The following EPHB1 variants were observed in gnomAD, a reference collection of about 807,000 sequenced individuals.
The protein encoded by EPHB1 is ephrin type-B receptor 1.
EPHB1 carries 30 observed loss-of-function variants against 94.4 expected under a neutral mutation model. The ratio of observed to expected loss-of-function variants is 0.32; its 90% CI spans 0.24 to 0.43. EPHB1 has a LOEUF of 0.43. Among genes scored for constraint, EPHB1 ranks in the 20% least tolerant of loss-of-function variants. The probability of loss-of-function intolerance (pLI) is 1.00; values close to 1 mark genes in which losing one functional copy is unlikely to be tolerated. For missense variants in EPHB1, 1,055 were observed against 1,308.3 expected, an observed-to-expected ratio of 0.81 and a Z score of 2.99; for synonymous variants, 522 against 489.1, an observed-to-expected ratio of 1.07 and a Z score of -0.89.
intron 1 of EPHB1, among the ~76,000 whole-genome samples, chr3:134,798,360 G>T (rs2035871147): frequency 6.6e-6 from 1 of 152,126 alleles, no homozygotes; most frequent in African/African-American, 2.4e-5. Context: ...GGGTCTGGTT[G>T]TTGGCCAGAG....
intron 15 of EPHB1, among the ~76,000 whole-genome samples, chr3:135,256,234 G>A (rs1342418847): frequency 1.3e-5 from 2 of 152,140 alleles, no homozygotes; most frequent in Non-Finnish European, 2.9e-5. Context: ...AGTTAATATT[G>A]TTATGTGTGA....
chr3:135,041,328 C>T (rs565020111), intron 3 of EPHB1, among the ~76,000 whole-genome samples: 2 of 152,286 alleles, frequency 1.3e-5, no homozygotes, highest in Admixed American at 1.3e-4. Flanking sequence ...CACTGGGATG[C>T]TGGGAGGCAC....
chr3:135,184,826 A>G (rs1373424385), intron 10 of EPHB1, among the ~76,000 whole-genome samples: 1 of 152,210 alleles, frequency 6.6e-6, no homozygotes, highest in East Asian at 1.9e-4. Context: ...AGAGAGTACC[A>G]GTTTATTGTT....
intron 3 of EPHB1, among the ~76,000 whole-genome samples, chr3:134,986,299 G>A (rs1001729240): frequency 6.6e-6 from 1 of 152,182 alleles, no homozygotes. Flanking sequence ...TATCAAGGGT[G>A]GGCCAAGTAG....
chr3:134,876,438 C>A (rs2037618386), intron 1 of EPHB1, among the ~76,000 whole-genome samples: 1 of 152,180 alleles, frequency 6.6e-6, no homozygotes. Flanking sequence ...GAAAAAAATA[C>A]ATACTTTCTG....
Position 135,166,068 on chromosome 3 carries a change from C to G in EPHB1, c.1686C>G (p.Val562=). Residue 562 remains valine (V), a synonymous_variant, in exon 8 of 16, where the codon GTC becomes GTG. Transcript: ENST00000398015. ...TGTCCTTGGTGGCCATCTCTATCGT[C>G]TGTAGCAGGTAGGTCCTCCACTCTC... is the stretch of plus-strand genomic sequence containing the variant. ...FVVSLVAISI[V]CSRKRAYSKE... 6.2e-7 allele frequency: 1 copy of G among 1,613,628 alleles called. No homozygotes were observed. Among genetic ancestry groups the G allele is most frequent in the Non-Finnish European group, 8.5e-7 (1 of 1,179,594 alleles).
At chr3:135,013,813 G>A (rs1935700485) in intron 3 of EPHB1, among the ~76,000 whole-genome samples, 1 of 152,158 alleles carries the variant, frequency 6.6e-6, no homozygotes, top group African/African-American at 2.4e-5. Context: ...TTGAATATAT[G>A]ACTAACTCAA....
Position 135,248,358 on chromosome 3 carries a change from A to G in EPHB1, c.2539A>G (p.Met847Val). ...IEQDYRLPPPMDCPAALHQLM... is the reference protein window; with the variant it reads ...IEQDYRLPPPVDCPAALHQLM... ...GCAGGACTACCGGCTGCCCCCACCC[A>G]TGGACTGTCCAGCTGCTCTACACCA... The change falls in exon 14 of 16, where the codon ATG becomes GTG. Residue 847 changes from methionine to valine, a missense_variant. Physicochemically the swap from Met to Val is conservative, Grantham distance 21. Transcript: ENST00000398015. 6.2e-7 allele frequency: 1 copy of G among 1,609,994 alleles called. No individual in the cohort carries two copies.
chr3:134,828,768 G>A (rs1431387127), intron 1 of EPHB1, among the ~76,000 whole-genome samples: 1 of 152,200 alleles, frequency 6.6e-6, no homozygotes, highest in Non-Finnish European at 1.5e-5. Flanking sequence ...GATGCTCAGT[G>A]AAGTCCTGGG....
rs532486840 is a variant in EPHB1 at position 135,228,951 on chromosome 3, A to AC, written c.2347-12190dup. On this transcript the variant is annotated intron_variant, in intron 12 of 15. Coordinates refer to ENST00000398015, the MANE Select transcript of EPHB1 (RefSeq NM_004441.5). ...ATCTGGAATGGGAGGTTTCAAGAGC[A>AC]CCCCCCCACTTTTTACCAGGTGTGG... Among the ~76,000 whole-genome samples the AC allele has an allele frequency of 2.5e-3, 373 of 151,642 alleles. 1 individual carries two copies. The highest frequency in any genetic ancestry group is 3.8e-3 in the Non-Finnish European group (259 of 67,860).
intron 1 of EPHB1, among the ~76,000 whole-genome samples, chr3:134,840,137 C>T (rs980342347): frequency 6.6e-6 from 1 of 152,352 alleles, no homozygotes; most frequent in Admixed American, 6.5e-5. Context: ...CCTTCTGTCT[C>T]CCCAGGCAGC....
At chr3:134,884,629 A>C (rs1358192023) in intron 1 of EPHB1, among the ~76,000 whole-genome samples, 11 of 152,244 alleles carry the variant, frequency 7.2e-5, no homozygotes, top group Admixed American at 7.2e-4. Context: ...GCAACAGGAT[A>C]AAATTTAATA....
In EPHB1 at chr3:134,942,170, C is replaced by T. The variant is rs113492593; in HGVS notation, c.124-9201C>T. On this transcript the variant is annotated intron_variant, in intron 2 of 15. Transcript: ENST00000398015. ...AAGGGAGAGAAGTTAAAGAATAGGC[C>T]GGGGCTCTGCTCATTGCCTCAGTCT... Among the ~76,000 whole-genome samples the T allele has an allele frequency of 5.9e-5, 9 of 152,258 alleles. No homozygotes were observed. The East Asian group carries it at 7.7e-4, about 13-fold the overall frequency.
intron 1 of EPHB1, among the ~76,000 whole-genome samples, chr3:134,924,707 T>G (rs1176255559): frequency 6.6e-6 from 1 of 152,194 alleles, no homozygotes; most frequent in Non-Finnish European, 1.5e-5. Flanking sequence ...CAAAAGAGTA[T>G]TACTCAGCAA....
chr3:134,917,791 T>G (rs2038604191), intron 1 of EPHB1, among the ~76,000 whole-genome samples: 1 of 152,246 alleles, frequency 6.6e-6, no homozygotes, highest in African/African-American at 2.4e-5. Flanking sequence ...CATCAACCAG[T>G]GGAGACTTAC....
At chr3:135,054,033 A>ATG (rs771100456) in intron 3 of EPHB1, among the ~76,000 whole-genome samples, 154 of 103,374 alleles carry the variant, frequency 1.5e-3, no homozygotes, top group Admixed American at 3.6e-3. Context: ...GCATATATAT[A>ATG]TATATATACA....
intron 3 of EPHB1, among the ~76,000 whole-genome samples, chr3:135,001,830 A>G (rs1935193646): frequency 1.3e-5 from 2 of 152,224 alleles, no homozygotes; most frequent in African/African-American, 2.4e-5. Flanking sequence ...GTTGCATAGT[A>G]TCCTCATGTA....
At chr3:135,250,767 G>A (rs185558152) in intron 15 of EPHB1, among the ~76,000 whole-genome samples, 10 of 152,214 alleles carry the variant, frequency 6.6e-5, no homozygotes, top group South Asian at 2.1e-4. Flanking sequence ...AACATGTACC[G>A]ATAGCACATA....
Position 134,795,420 on chromosome 3 carries a change from CAT to C in EPHB1, c.-211_-210del, listed in dbSNP as rs749723324. 121 of 564,440 alleles carry C rather than the reference CAT, an allele frequency of 2.1e-4. No individual in the cohort carries two copies. Among genetic ancestry groups the C allele is most frequent in the Non-Finnish European group, 3.1e-4 (100 of 324,608 alleles). 35.0% of individuals were successfully genotyped at this position (564,440 alleles called of 1,614,324 possible). ...CCTCTCCCATAAACACACACACACACATGCACACCCACACCCACGCGCGCCCG... is the reference window on the plus strand; with the variant it reads ...CCTCTCCCATAAACACACACACACACGCACACCCACACCCACGCGCGCCCG... On this transcript the variant is annotated 5_prime_UTR_variant, in exon 1 of 16. The change abolishes an upstream ATG in the 5' untranslated region. Coordinates refer to ENST00000398015, the MANE Select transcript of EPHB1 (RefSeq NM_004441.5).
Sources: allele counts gnomAD v4.1 joint callset (sites outside exome capture counted in the v4.1 genomes callset), GRCh38; gene constraint gnomAD v4.1.1; transcripts MANE v1.5; gene names NCBI Gene and HGNC (gene_info 2026-07-23, HGNC 2026-07-21).